The following PTPRD variants were observed in gnomAD, a reference collection of about 807,000 sequenced individuals.
PTPRD encodes the protein receptor-type tyrosine-protein phosphatase delta.
A neutral mutation model predicts 214.5 loss-of-function variants in PTPRD; 34 were observed. The observed-to-expected ratio is 0.16, with a 90% CI of 0.12 to 0.21. The LOEUF (loss-of-function observed/expected upper bound fraction) is 0.21. PTPRD is among the 10% of genes least tolerant of loss of function. The probability of loss-of-function intolerance (pLI) is 1.00; values close to 1 mark genes in which losing one functional copy is unlikely to be tolerated. For missense variants in PTPRD, 2,545 were observed against 2,398.7 expected (o/e 1.06, Z -1.27); for synonymous variants, 1,128 against 845.7 (o/e 1.33, Z -5.79).
chr9:8,557,195 C>A (rs1177102703), intron 14 of PTPRD, among the ~76,000 whole-genome samples: 2 of 151,818 alleles, frequency 1.3e-5, no homozygotes, highest in East Asian at 3.9e-4. Flanking sequence ...TGAAGATGAA[C>A]CACTCTGGCG....
chr9:9,790,043 TAGC>T (rs1364119979), intron 5 of PTPRD, among the ~76,000 whole-genome samples: 1 of 152,080 alleles, frequency 6.6e-6, no homozygotes, highest in Admixed American at 6.5e-5. Context: ...AAGATGATCT[TAGC>T]AGGCCAGAAC....
At chr9:9,720,643 G>A (rs549315654) in intron 7 of PTPRD, among the ~76,000 whole-genome samples, 2 of 152,230 alleles carry the variant, frequency 1.3e-5, no homozygotes, top group South Asian at 4.1e-4. Flanking sequence ...TTCATTTGCT[G>A]CATTGAGACA....
At chr9:9,567,958 T>TC (rs376949651) in intron 8 of PTPRD, among the ~76,000 whole-genome samples, 3 of 151,854 alleles carry the variant, frequency 2.0e-5, no homozygotes, top group African/African-American at 7.2e-5. Context: ...CCTTTTTTTT[T>TC]CTACTGGGTA....
intron 14 of PTPRD, among the ~76,000 whole-genome samples, chr9:8,571,888 A>G (rs181630436): frequency 1.3e-5 from 2 of 152,230 alleles, no homozygotes; most frequent in East Asian, 1.9e-4. Context: ...CAGAGCATCA[A>G]GAGAGGAAAG....
chr9:9,310,367 C>CT (rs1228046756), intron 9 of PTPRD, among the ~76,000 whole-genome samples: 1 of 152,092 alleles, frequency 6.6e-6, no homozygotes, highest in Non-Finnish European at 1.5e-5. Context: ...AATCTGCAGA[C>CT]TAGTAGCATG....
chr9:10,376,657 T>A (rs1292591304), intron 2 of PTPRD, among the ~76,000 whole-genome samples: 1 of 151,866 alleles, frequency 6.6e-6, no homozygotes, highest in Non-Finnish European at 1.5e-5. Context: ...GCTATTTAAA[T>A]ACAGAGCCAT....
chr9:9,653,068 C>T (rs375590682), intron 7 of PTPRD, among the ~76,000 whole-genome samples: 2 of 149,620 alleles, frequency 1.3e-5, no homozygotes, highest in Non-Finnish European at 1.5e-5. Context: ...CATGGCCGGG[C>T]GCGGTGGCTC....
At chr9:9,297,795 A>C (rs1569567166) in intron 9 of PTPRD, among the ~76,000 whole-genome samples, 1 of 151,828 alleles carries the variant, frequency 6.6e-6, no homozygotes, top group East Asian at 1.9e-4. Context: ...TAAGATATTA[A>C]TATAAGAGTT....
At chr9:8,934,898 A>G (rs868780314) in intron 11 of PTPRD, among the ~76,000 whole-genome samples, 15 of 152,146 alleles carry the variant, frequency 9.9e-5, no homozygotes, top group Middle Eastern at 3.4e-3. Context: ...TTCACTTAGC[A>G]TAATGTCCTC....
chr9:10,256,221 TG>T (rs761607024), intron 3 of PTPRD, among the ~76,000 whole-genome samples: 28 of 152,052 alleles, frequency 1.8e-4, no homozygotes, highest in Non-Finnish European at 4.4e-5. Context: ...CCAAAAAGGT[TG>T]GGGGCTGCTG....
At chr9:10,353,864 C>A (rs540550740) in intron 2 of PTPRD, among the ~76,000 whole-genome samples, 1 of 151,848 alleles carries the variant, frequency 6.6e-6, no homozygotes, top group African/African-American at 2.4e-5. Context: ...TACCACAAAA[C>A]ACAACCAATA....
chr9:8,674,287 G>A (rs1466937966), intron 12 of PTPRD, among the ~76,000 whole-genome samples: 3 of 151,748 alleles, frequency 2.0e-5, no homozygotes, highest in Middle Eastern at 3.4e-3. Flanking sequence ...GTGAAACCCC[G>A]TCTCTACTAA....
chr9:9,685,191 G>C (rs1008044811), intron 7 of PTPRD, among the ~76,000 whole-genome samples: 37 of 151,130 alleles, frequency 2.4e-4, no homozygotes, highest in African/African-American at 8.9e-4. Flanking sequence ...AAAAATAAAA[G>C]TTTCTGGCTC....
At position 8,500,947 on chromosome 9, in the gene PTPRD, G is replaced by A. The variant is rs2136978350; in HGVS notation, c.1935C>T (p.Tyr645=). Residue 645 remains tyrosine, a synonymous_variant, in exon 24 of 46, where the codon TAC becomes TAT. Coordinates refer to ENST00000381196, the MANE Select transcript of PTPRD (RefSeq NM_002839.4). ...VEKQNGIITE[Y]SIKYTAVDGE... ...CATCCACTGCAGTGTACTTGATGGA[G>A]TATTCAGTGATAATGCCATTCTGTT... 1 of 1,614,170 alleles carries A rather than the reference G, an allele frequency of 6.2e-7. No individual in the cohort carries two copies. Among genetic ancestry groups the A allele is most frequent in the Non-Finnish European group, 8.5e-7 (1 of 1,180,018 alleles).
chr9:10,457,838 T>C (rs1231755448), intron 2 of PTPRD, among the ~76,000 whole-genome samples: 2 of 152,054 alleles, frequency 1.3e-5, no homozygotes, highest in African/African-American at 4.8e-5. Flanking sequence ...AAAATTGACA[T>C]ACCCATAGCC....
At chr9:8,946,592 AT>A (rs1348710737) in intron 11 of PTPRD, among the ~76,000 whole-genome samples, 1 of 152,194 alleles carries the variant, frequency 6.6e-6, no homozygotes, top group East Asian at 1.9e-4. Context: ...GCATTCTTCT[AT>A]CCCCAAGGAA....
intron 3 of PTPRD, among the ~76,000 whole-genome samples, chr9:10,263,504 C>A (rs1474293921): frequency 1.3e-5 from 2 of 152,120 alleles, no homozygotes; most frequent in African/African-American, 4.8e-5. Context: ...GTAAAGGTCA[C>A]TCTTGCTAGG....
At chr9:8,522,008 T>G (rs751065892) in intron 19 of PTPRD, among the ~76,000 whole-genome samples, 1 of 152,220 alleles carries the variant, frequency 6.6e-6, no homozygotes, top group Non-Finnish European at 1.5e-5. Context: ...AATGTAGGTG[T>G]GGGACCACAC....
chr9:8,859,810 T>G (rs57003672), intron 11 of PTPRD: 70,436 of 143,856 alleles, frequency 0.49, 18,479 homozygotes, highest in East Asian at 0.64. Context: ...AATTTGGGGG[T>G]GGGGGAGGAG....
Sources: allele counts gnomAD v4.1 joint callset (sites outside exome capture counted in the v4.1 genomes callset), GRCh38; gene constraint gnomAD v4.1.1; transcripts MANE v1.5; gene names NCBI Gene and HGNC (gene_info 2026-07-23, HGNC 2026-07-21).